SLC25A13: variants seen among roughly 807,000 people sequenced by gnomAD.
The protein encoded by SLC25A13 is solute carrier family 25 member 13.
SLC25A13 carries 70 observed loss-of-function variants against 85.5 expected under a neutral mutation model. The observed-to-expected ratio is 0.82, with a 90% CI of 0.68 to 1.00. The LOEUF is 1.00. Ranked by LOEUF, SLC25A13 falls within the 50% of genes least tolerant of loss-of-function variation. The pLI is 0.00. For missense variants in SLC25A13, 765 were observed against 819.8 expected (o/e 0.93, Z 0.82); for synonymous variants, 259 against 288.7 (o/e 0.90, Z 1.04).
Position 96,170,143 on chromosome 7 carries a change from A to T in SLC25A13, c.1231-18T>A. The T allele has an allele frequency of 6.2e-7, 1 of 1,602,814 alleles. No individual in the cohort carries two copies. Among genetic ancestry groups the T allele is most frequent in the South Asian group, 1.1e-5 (1 of 90,782 alleles). Reference sequence around the variant, plus strand: ...TCGTTCACCTTGAAGAAAAATATTTATAGAAGCTGATGAAAAATATAAAGA... The same window carrying T: ...TCGTTCACCTTGAAGAAAAATATTTTTAGAAGCTGATGAAAAATATAAAGA... On this transcript the variant is annotated intron_variant, in intron 12 of 17. Transcript: ENST00000265631.
Position 96,251,043 on chromosome 7 carries a change from G to A in SLC25A13, c.213-16126C>T, listed in dbSNP as rs536214469. Among the ~76,000 whole-genome samples the A allele has an allele frequency of 3.0e-4, 45 of 152,070 alleles. 1 individual carries two copies. In the South Asian group the frequency reaches 4.4e-3, roughly 15 times the overall value. ...CTTACAGTCAAGTGTGTGGGAAAGA[G>A]GAGGAGACAAAAAAAAAATTAATGA... On this transcript the variant is annotated intron_variant, in intron 3 of 17. Coordinates refer to ENST00000265631, the MANE Select transcript of SLC25A13 (RefSeq NM_014251.3).
chr7:96,250,561 T>C (rs1302293065), intron 3 of SLC25A13, among the ~76,000 whole-genome samples: 2 of 152,140 alleles, frequency 1.3e-5, no homozygotes, highest in South Asian at 2.1e-4. Flanking sequence ...GGCAGGATTC[T>C]CAAAAATATG....
Position 96,189,349 on chromosome 7 carries a change from A to G in SLC25A13, c.878T>C (p.Ile293Thr). Residue 293 changes from isoleucine to threonine, a missense_variant, in exon 9 of 18, where the codon ATT (isoleucine) becomes ACT (threonine). Transcript: ENST00000265631. ...CAGAGTTCCCTCTTCCAGAGGAGCA[A>G]TCCGTTCAATGTCTGCTAAGGTCAT... ...GRMTLADIER[I>T]APLEEGTLPF... 4 of 1,614,198 alleles carry G rather than the reference A, an allele frequency of 2.5e-6. No individual in the cohort carries two copies. Among genetic ancestry groups the G allele is most frequent in the Non-Finnish European group, 3.4e-6 (4 of 1,180,036 alleles).
At chr7:96,228,244 T>G (rs1317807604) in intron 4 of SLC25A13, among the ~76,000 whole-genome samples, 2 of 152,192 alleles carry the variant, frequency 1.3e-5, no homozygotes, top group Non-Finnish European at 1.5e-5. Flanking sequence ...AATTAGAAAC[T>G]TATGTTCCTC....
chr7:96,282,688 G>A (rs1242552879), intron 2 of SLC25A13, among the ~76,000 whole-genome samples: 1 of 152,132 alleles, frequency 6.6e-6, no homozygotes, highest in East Asian at 1.9e-4. Context: ...TGATAGCTAA[G>A]TTATATTTAT....
chr7:96,310,140 T>TA (rs1231353464), intron 1 of SLC25A13, among the ~76,000 whole-genome samples: 1 of 152,222 alleles, frequency 6.6e-6, no homozygotes, highest in Non-Finnish European at 1.5e-5. Flanking sequence ...AGTACTTTGT[T>TA]ATGGCAGCCC....
At chr7:96,189,194 A>T in intron 9 of SLC25A13, 100 bp downstream of exon 9, 1 of 972,634 alleles carries the variant, frequency 1.0e-6, no homozygotes, top group Non-Finnish European at 1.6e-6. Context: ...AAAAATGGTT[A>T]AGTCAGATAC....
At chr7:96,121,542 T>A in intron 17 of SLC25A13, 113 bp downstream of exon 17, 1 of 1,406,712 alleles carries the variant, frequency 7.1e-7, no homozygotes, top group South Asian at 1.2e-5. Flanking sequence ...ATTTCAACAT[T>A]TCCCTAAATC....
Position 96,146,536 on chromosome 7 carries a change from T to TAAA in SLC25A13, c.1452+17_1452+19dup. ...ATGAGAAAGTAATCAAATAAATGAC[T>TAAA]AAAAAAAAAAAAAAGTTACCTTGTA... is the stretch of plus-strand genomic sequence containing the variant. On this transcript the variant is annotated intron_variant, in intron 14 of 17. Transcript: ENST00000265631. The TAAA allele has an allele frequency of 5.8e-6, 8 of 1,385,682 alleles. No individual in the cohort carries two copies. Among genetic ancestry groups the TAAA allele is most frequent in the Admixed American group, 1.9e-5 (1 of 52,036 alleles). 85.8% of individuals were successfully genotyped at this position (1,385,682 alleles called of 1,614,324 possible). A position where few individuals can be genotyped will look rare whatever the true frequency, so the allele number is the denominator to read the frequency against.
intron 3 of SLC25A13, among the ~76,000 whole-genome samples, chr7:96,271,492 A>G (rs889060649): frequency 8.5e-5 from 13 of 152,226 alleles, no homozygotes; most frequent in African/African-American, 3.1e-4. Flanking sequence ...AAAATCTAAA[A>G]GAAAATGTCA....
At chr7:96,319,781 T>C (rs1480603278) in intron 1 of SLC25A13, among the ~76,000 whole-genome samples, 1 of 152,138 alleles carries the variant, frequency 6.6e-6, no homozygotes, top group Non-Finnish European at 1.5e-5. Context: ...GCAAAATAAG[T>C]ATATATGATG....
chr7:96,190,606 T>C (rs979412906), intron 7 of SLC25A13, among the ~76,000 whole-genome samples: 1 of 152,038 alleles, frequency 6.6e-6, no homozygotes, highest in African/African-American at 2.4e-5. Context: ...TTCAGTTTAT[T>C]TATTTATTTA....
At chr7:96,165,002 T>C (rs983867365) in intron 13 of SLC25A13, among the ~76,000 whole-genome samples, 2 of 152,150 alleles carry the variant, frequency 1.3e-5, no homozygotes, top group Non-Finnish European at 2.9e-5. Context: ...GCTGTGAAGA[T>C]TGACAAGATC....
intron 5 of SLC25A13, 114 bp from the exon 6 acceptor site, chr7:96,193,297 C>T: frequency 1.5e-6 from 2 of 1,321,892 alleles, no homozygotes; most frequent in South Asian, 1.3e-5. Context: ...CTTGATCTAA[C>T]AAGCCCTCAT....
intron 2 of SLC25A13, among the ~76,000 whole-genome samples, chr7:96,288,997 A>G (rs1799003848): frequency 6.6e-6 from 1 of 152,188 alleles, no homozygotes; most frequent in Non-Finnish European, 1.5e-5. Context: ...CCTAACTGGG[A>G]GGCGCCCCCC....
rs1455355338 is a variant in SLC25A13 at position 96,322,015 on chromosome 7, A to G, written c.-59T>C. The G allele has an allele frequency of 1.3e-6, 2 of 1,530,120 alleles. No individual in the cohort carries two copies. Among genetic ancestry groups the G allele is most frequent in the Non-Finnish European group, 8.8e-7 (1 of 1,138,844 alleles). The allele number at this position is 1,530,120 out of a possible 1,614,324, so 94.8% of individuals were successfully genotyped here. On this transcript the variant is annotated 5_prime_UTR_variant, in exon 1 of 18. Coordinates refer to ENST00000265631, the MANE Select transcript of SLC25A13 (RefSeq NM_014251.3). ...ACTGACTGGCTGGCTGGCGTTTGGG[A>G]CCCGGGCGGCTCACTTCTAGTCCCG...
rs150804595 is a variant in SLC25A13, at chr7:96,271,552, G to A, written c.212+5644C>T. ...AGAGGCAGCTCAGAACACTGAAAAG[G>A]CCAAGGAATTTAAAACCTGACAGGC... On this transcript the variant is annotated intron_variant, in intron 3 of 17. Coordinates refer to ENST00000265631, the MANE Select transcript of SLC25A13 (RefSeq NM_014251.3). Among the ~76,000 whole-genome samples the A allele has an allele frequency of 4.8e-3, 730 of 152,214 alleles. 5 individuals carry two copies. Among genetic ancestry groups the A allele is most frequent in the South Asian group, 0.021 (100 of 4,818 alleles).
intron 10 of SLC25A13, 114 bp from the exon 11 acceptor site, chr7:96,184,549 ATACAG>A: frequency 9.6e-7 from 1 of 1,040,010 alleles, no homozygotes; most frequent in Non-Finnish European, 1.4e-6. Context: ...TGAATTTTAA[ATACAG>A]ATTTTAAAAC....
chr7:96,120,729 T>C lies in SLC25A13; in HGVS notation c.*462A>G. 1 of 454,106 alleles carries C rather than the reference T, an allele frequency of 2.2e-6. No individual in the cohort carries two copies. The highest frequency in any genetic ancestry group is 4.4e-6 in the Non-Finnish European group (1 of 226,838). 28.1% of individuals were successfully genotyped at this position (454,106 alleles called of 1,614,324 possible). ...CAATTTGAAGCCAGGCTGAATATATTTGATATATATTTTTTCATTTCTCCC... is the reference window on the plus strand; with the variant it reads ...CAATTTGAAGCCAGGCTGAATATATCTGATATATATTTTTTCATTTCTCCC... On this transcript the variant is annotated 3_prime_UTR_variant, in exon 18 of 18. Coordinates refer to ENST00000265631, the MANE Select transcript of SLC25A13 (RefSeq NM_014251.3).
Sources: allele counts gnomAD v4.1 joint callset (sites outside exome capture counted in the v4.1 genomes callset), GRCh38; gene constraint gnomAD v4.1.1; transcripts MANE v1.5; gene names NCBI Gene and HGNC (gene_info 2026-07-23, HGNC 2026-07-21).